The following NXN variants were observed in gnomAD, a reference collection of about 807,000 sequenced individuals.
NXN encodes the protein nucleoredoxin.
Under a neutral mutation model 48.6 loss-of-function variants are expected in NXN, and 16 were observed. The observed-to-expected ratio is 0.33, with a 90% CI of 0.22 to 0.50. The LOEUF (loss-of-function observed/expected upper bound fraction) is 0.50, where lower values mean the gene tolerates loss of function less well. Among genes scored for constraint, NXN ranks in the 20% least tolerant of loss-of-function variants. The pLI, the probability that NXN is intolerant of heterozygous loss-of-function variation, is 0.98. For missense variants in NXN, 492 were observed against 605.5 expected (o/e 0.81, Z 1.97); for synonymous variants, 281 against 269.6 (o/e 1.04, Z -0.41).
chr17:843,006 G>GAGAAAGAGAGAAAGAA lies in NXN; in HGVS notation c.361-16929_361-16928insTTCTTTCTCTCTTTCT, dbSNP rs1555613117. Among the ~76,000 whole-genome samples, 560 of 95,836 alleles carry GAGAAAGAGAGAAAGAA rather than the reference G, an allele frequency of 5.8e-3. 7 individuals carry two copies. Among genetic ancestry groups the GAGAAAGAGAGAAAGAA allele is most frequent in the East Asian group, 7.7e-3 (24 of 3,102 alleles). 62.9% of individuals were successfully genotyped at this position (95,836 alleles called of 152,430 possible). A position where few individuals can be genotyped will look rare whatever the true frequency, so the allele number is the denominator to read the frequency against. On this transcript the variant is annotated intron_variant, in intron 1 of 7. Coordinates refer to ENST00000336868, the MANE Select transcript of NXN (RefSeq NM_022463.5). ...AGAGAAAGAGAGAAAGAGAGAAAGA[G>GAGAAAGAGAGAAAGAA]AGAAAGAAAGAAAGAAAGAAAGAAA...
At chr17:804,729 C>T (rs1168456520) in intron 6 of NXN, among the ~76,000 whole-genome samples, 2 of 152,218 alleles carry the variant, frequency 1.3e-5, no homozygotes, top group African/African-American at 4.8e-5. Flanking sequence ...TGAGCCTCGG[C>T]CAGAGGGGCC....
intron 5 of NXN, among the ~76,000 whole-genome samples, chr17:808,405 C>A (rs1911707291): frequency 6.6e-6 from 1 of 150,836 alleles, no homozygotes; most frequent in Non-Finnish European, 1.5e-5. Flanking sequence ...CGGGTTCAAG[C>A]GATTCTCCTG....
At chr17:914,201 A>AT (rs1368957158) in intron 1 of NXN, among the ~76,000 whole-genome samples, 2 of 48,656 alleles carry the variant, frequency 4.1e-5, no homozygotes, top group Non-Finnish European at 1.2e-4. Flanking sequence ...CGCCCAGCTA[A>AT]TTTTTGTATT....
intron 1 of NXN, among the ~76,000 whole-genome samples, chr17:861,219 C>T (rs561854373): frequency 5.3e-5 from 8 of 152,194 alleles, no homozygotes; most frequent in Middle Eastern, 3.4e-3. Flanking sequence ...CTGCAACCTC[C>T]GCCTCCTGGG....
rs1339968359 is a variant in NXN at position 825,235 on chromosome 17, A to G, written c.478+726T>C. Among the ~76,000 whole-genome samples the G allele has an allele frequency of 8.6e-5, 13 of 151,886 alleles. No homozygotes were observed. Among genetic ancestry groups the G allele is most frequent in the Non-Finnish European group, 1.9e-4 (13 of 67,956 alleles). ...GTGTCTCAAGAGAAAAAAAAAAAAAAAAAAGAAAAGCTTCACGCTTGGTTC... is the reference window on the plus strand; with the variant it reads ...GTGTCTCAAGAGAAAAAAAAAAAAAGAAAAGAAAAGCTTCACGCTTGGTTC... On this transcript the variant is annotated intron_variant, in intron 2 of 7. Coordinates refer to ENST00000336868, the MANE Select transcript of NXN (RefSeq NM_022463.5). This position sits in a 1 kb window ranked among gnomAD's most constrained non-coding sequence, Gnocchi z 4.1.
rs996617349 is a variant in NXN, at chr17:884,223, A to AAAATAAAT, written c.361-58153_361-58146dup. 1.3e-3 allele frequency among the ~76,000 whole-genome samples: 182 copies of AAAATAAAT among 141,868 alleles called. 1 individual carries two copies. Among genetic ancestry groups the AAAATAAAT allele is most frequent in the African/African-American group, 4.4e-3 (169 of 37,982 alleles). The allele number at this position is 141,868 out of a possible 152,430, so 93.1% of individuals were successfully genotyped here. The stretch of plus-strand genomic sequence containing the variant: ...GGGACTGAGCAAGACTCTGACTCAA[A>AAAATAAAT]AAATAAATAAATAAATAAATAAATA... On this transcript the variant is annotated intron_variant, in intron 1 of 7. Coordinates refer to ENST00000336868, the MANE Select transcript of NXN (RefSeq NM_022463.5).
chr17:959,149 G>T, intron 1 of NXN: 2 of 552,700 alleles, frequency 3.6e-6, no homozygotes, highest in South Asian at 4.0e-5. Context: ...AGAGCCGAGC[G>T]CCCCTACGGA....
At chr17:954,970 G>A (rs1380068897) in intron 1 of NXN, among the ~76,000 whole-genome samples, 1 of 152,136 alleles carries the variant, frequency 6.6e-6, no homozygotes, top group Non-Finnish European at 1.5e-5. Flanking sequence ...AGCCACTCGA[G>A]GCTTTCCACA....
At chr17:901,077 C>T (rs944774025) in intron 1 of NXN, among the ~76,000 whole-genome samples, 16 of 151,976 alleles carry the variant, frequency 1.1e-4, no homozygotes, top group East Asian at 1.9e-4. Context: ...TCCACCACCA[C>T]GCCTGGCTAA....
chr17:946,417 T>C (rs1400460362), intron 1 of NXN, among the ~76,000 whole-genome samples: 5 of 152,168 alleles, frequency 3.3e-5, no homozygotes, highest in African/African-American at 1.2e-4. Context: ...TCCGCCCGCC[T>C]AGGCCTCCCA....
rs151134745 is a variant in NXN, at chr17:936,365, C to T, written c.360+42954G>A. 1.2e-4 allele frequency among the ~76,000 whole-genome samples: 19 copies of T among 152,154 alleles called. No homozygotes were observed. The East Asian group carries it at 1.7e-3, about 14-fold the overall frequency. ...CCCTCCCTCTGAGGCACTGCAGCGA[C>T]GGGTGCCCTGGTGAGTGTCCACGGT... On this transcript the variant is annotated intron_variant, in intron 1 of 7. Coordinates refer to ENST00000336868, the MANE Select transcript of NXN (RefSeq NM_022463.5).
chr17:876,818 G>A (rs1181986664), intron 1 of NXN, among the ~76,000 whole-genome samples: 3 of 152,116 alleles, frequency 2.0e-5, no homozygotes, highest in Non-Finnish European at 4.4e-5. Flanking sequence ...CTGCGGGGGC[G>A]GGGGGATCAC....
intron 5 of NXN, among the ~76,000 whole-genome samples, chr17:811,161 CAG>C (rs1033495844): frequency 3.9e-5 from 6 of 152,192 alleles, no homozygotes; most frequent in African/African-American, 1.4e-4. Context: ...AGAAGGAAAA[CAG>C]AGAAGAGGAT....
intron 1 of NXN, among the ~76,000 whole-genome samples, chr17:944,930 C>T (rs1325818479): frequency 6.6e-6 from 1 of 152,012 alleles, no homozygotes; most frequent in African/African-American, 2.4e-5. Context: ...GTGAAACACA[C>T]CGAGAAGAGA....
At chr17:900,192 G>C (rs866451410) in intron 1 of NXN, among the ~76,000 whole-genome samples, 21 of 152,270 alleles carry the variant, frequency 1.4e-4, no homozygotes, top group Middle Eastern at 3.4e-3. Flanking sequence ...TTGAACCCGG[G>C]GGGGCAGAGG....
chr17:848,853 G>C (rs2067893548), intron 1 of NXN, among the ~76,000 whole-genome samples: 1 of 152,186 alleles, frequency 6.6e-6, no homozygotes, highest in African/African-American at 2.4e-5. Context: ...CGCCAGGGGT[G>C]GTGGAGATGA....
At chr17:826,130 C>T (rs757197032) in intron 1 of NXN, 52 bp from the exon 2 acceptor site, 2 of 1,230,158 alleles carry the variant, frequency 1.6e-6, no homozygotes, top group African/African-American at 3.0e-5. Context: ...AGATTCATTG[C>T]AGAGTTCTTT....
At chr17:812,972 G>A (rs1324637179) in intron 5 of NXN, among the ~76,000 whole-genome samples, 1 of 130,344 alleles carries the variant, frequency 7.7e-6, no homozygotes, top group Admixed American at 7.8e-5. Context: ...ATGTTTGTAG[G>A]TGTGTGTGCA....
At chr17:836,092 G>A (rs1384998285) in intron 1 of NXN, among the ~76,000 whole-genome samples, 2 of 128,850 alleles carry the variant, frequency 1.6e-5, no homozygotes, top group African/African-American at 6.3e-5. Context: ...AAAAAACACC[G>A]GTGGGATTCG....
Sources: gnomAD v4.1 joint callset for allele counts (sites outside exome capture counted in the v4.1 genomes callset) on GRCh38, gnomAD v4.1.1 for gene constraint, Gnocchi (gnomAD v3.1) non-coding constraint, MANE v1.5 for transcripts, NCBI Gene and HGNC (gene_info 2026-07-23, HGNC 2026-07-21) for gene names.